The following LIMS1 variants were observed in gnomAD, a reference collection of about 807,000 sequenced individuals.
LIMS1 encodes the protein LIM zinc finger domain containing 1, also known as LIM and senescent cell antigen-like-containing domain protein 1.
In LIMS1, 18 loss-of-function variants were observed where a neutral mutation model predicts 44.1. The ratio of observed to expected loss-of-function variants is 0.41; its 90% CI spans 0.28 to 0.61. The LOEUF is 0.61. LIMS1 is among the 20% of genes least tolerant of loss of function. LIMS1 has a pLI of 0.32. For synonymous variants in LIMS1, 93 were observed against 149.1 expected (o/e 0.62, Z 2.74); for missense variants, 201 against 422.0 (o/e 0.48, Z 4.59).
chr2:108,680,356 A>G (rs1479378976), intron 8 of LIMS1, among the ~76,000 whole-genome samples: 4 of 125,830 alleles, frequency 3.2e-5, no homozygotes, highest in African/African-American at 9.6e-5. Flanking sequence ...ACAGAGCGAG[A>G]TTCCGTCTCA....
intron 1 of LIMS1, among the ~76,000 whole-genome samples, chr2:108,573,306 CTT>C (rs1313789655): frequency 2.8e-5 from 4 of 141,004 alleles, no homozygotes; most frequent in African/African-American, 2.6e-5. Flanking sequence ...CTTTTCTTTT[CTT>C]TTTTTTTTTT....
At chr2:108,619,606 C>T (rs1265118749) in intron 1 of LIMS1, among the ~76,000 whole-genome samples, 1 of 152,084 alleles carries the variant, frequency 6.6e-6, no homozygotes, top group East Asian at 1.9e-4. Flanking sequence ...ATCACTTGAA[C>T]CCGGGAGGCG....
intron 2 of LIMS1, among the ~76,000 whole-genome samples, chr2:108,667,411 A>G (rs1449228547): frequency 1.3e-5 from 2 of 152,008 alleles, no homozygotes; most frequent in African/African-American, 4.8e-5. Context: ...CAGATTTTGA[A>G]CGCAGGCAGT....
intron 1 of LIMS1, among the ~76,000 whole-genome samples, chr2:108,590,839 CTG>C (rs1686347768): frequency 6.6e-6 from 1 of 152,172 alleles, no homozygotes; most frequent in South Asian, 2.1e-4. Flanking sequence ...CCTTTCTGTG[CTG>C]TGTTTTCCGC....
In LIMS1 at chr2:108,602,499, G is replaced by A. The variant is rs150244411; in HGVS notation, c.33-57106G>A. On this transcript the variant is annotated intron_variant, in intron 1 of 9. Transcript: ENST00000544547. ...TTTTTTGAGGGTTTTTTAAAATCAT[G>A]AAGTGATGTCAAATTTTATCAAATG... 4.1e-4 allele frequency among the ~76,000 whole-genome samples: 63 copies of A among 152,302 alleles called. 1 individual carries two copies. Among genetic ancestry groups the A allele is most frequent in the Middle Eastern group, 3.4e-3 (1 of 294 alleles).
intron 1 of LIMS1, among the ~76,000 whole-genome samples, chr2:108,550,498 CA>C (rs1558783113): frequency 6.8e-6 from 1 of 146,912 alleles, no homozygotes; most frequent in African/African-American, 2.5e-5. Context: ...GACTCCATCT[CA>C]AAAAAATAAT....
chr2:108,560,273 A>G (rs1324284782), intron 1 of LIMS1, among the ~76,000 whole-genome samples: 1 of 152,158 alleles, frequency 6.6e-6, no homozygotes, highest in African/African-American at 2.4e-5. Flanking sequence ...AAAATTTACT[A>G]AGTCAGATCC....
chr2:108,601,129 AAC>A (rs1341260150), intron 1 of LIMS1, among the ~76,000 whole-genome samples: 1 of 152,114 alleles, frequency 6.6e-6, no homozygotes, highest in Non-Finnish European at 1.5e-5. Context: ...GGGGAAGAAA[AAC>A]ACACACACAA....
intron 1 of LIMS1, among the ~76,000 whole-genome samples, chr2:108,639,126 A>G (rs1210249045): frequency 6.6e-6 from 1 of 152,192 alleles, no homozygotes; most frequent in Non-Finnish European, 1.5e-5. Flanking sequence ...ACACAACATT[A>G]TATCCAATGA....
intron 1 of LIMS1, among the ~76,000 whole-genome samples, chr2:108,603,495 C>CTTTTTTTT (rs55909729): frequency 4.5e-5 from 4 of 88,218 alleles, no homozygotes; most frequent in Non-Finnish European, 4.2e-5. Flanking sequence ...TTTTCATCGC[C>CTTTTTTTT]TTTTTTTTTT....
intron 1 of LIMS1, among the ~76,000 whole-genome samples, chr2:108,635,850 G>A (rs1035034194): frequency 6.6e-6 from 1 of 152,044 alleles, no homozygotes; most frequent in African/African-American, 2.4e-5. Context: ...TCCTAGTTTT[G>A]AATGTAAATA....
intron 1 of LIMS1, among the ~76,000 whole-genome samples, chr2:108,600,060 G>A (rs1197426397): frequency 3.3e-5 from 5 of 150,818 alleles, no homozygotes; most frequent in African/African-American, 4.9e-5. Flanking sequence ...TGTTGTTGTC[G>A]TTTGAGATGG....
intron 1 of LIMS1, among the ~76,000 whole-genome samples, chr2:108,555,366 G>A (rs1356425508): frequency 1.3e-5 from 2 of 152,202 alleles, no homozygotes; most frequent in Admixed American, 6.5e-5. Flanking sequence ...AAGACAGAAG[G>A]AACCTGCATT....
At chr2:108,663,934 A>G (rs1691564059) in intron 2 of LIMS1, among the ~76,000 whole-genome samples, 1 of 151,684 alleles carries the variant, frequency 6.6e-6, no homozygotes, top group Admixed American at 6.6e-5. Context: ...TTGCATTTTT[A>G]TTAGAGACGG....
At chr2:108,673,167 CAA>C in intron 5 of LIMS1, 138 bp downstream of exon 5, 6 of 1,307,544 alleles carry the variant, frequency 4.6e-6, no homozygotes, top group Non-Finnish European at 6.3e-6. Context: ...ATAGACGAGT[CAA>C]GAGAATGATA....
At chr2:108,639,192 G>T (rs1689494606) in intron 1 of LIMS1, among the ~76,000 whole-genome samples, 1 of 152,190 alleles carries the variant, frequency 6.6e-6, no homozygotes, top group African/African-American at 2.4e-5. Context: ...CTGCTGAACA[G>T]AAGATCGATA....
intron 1 of LIMS1, among the ~76,000 whole-genome samples, chr2:108,595,807 CT>C (rs1196252249): frequency 6.6e-6 from 1 of 151,978 alleles, no homozygotes; most frequent in African/African-American, 2.4e-5. Flanking sequence ...TTTGGAGCCT[CT>C]TTTTTTTATT....
chr2:108,644,205 C>G (rs571550867), intron 1 of LIMS1, among the ~76,000 whole-genome samples: 20 of 152,240 alleles, frequency 1.3e-4, no homozygotes, highest in South Asian at 4.1e-4. Context: ...CCCCATGTAT[C>G]CTAACTGGGA....
At chr2:108,654,456 T>G (rs1035486741) in intron 1 of LIMS1, among the ~76,000 whole-genome samples, 1 of 152,082 alleles carries the variant, frequency 6.6e-6, no homozygotes, top group African/African-American at 2.4e-5. Context: ...GCAAAGGTGA[T>G]AGAAGTCAAA....
Sources: gnomAD v4.1 joint callset for allele counts (sites outside exome capture counted in the v4.1 genomes callset) on GRCh38, gnomAD v4.1.1 for gene constraint, MANE v1.5 for transcripts, NCBI Gene and HGNC (gene_info 2026-07-23, HGNC 2026-07-21) for gene names.